Variants in MAGEC3 observed in about 807,000 individuals in gnomAD.
The protein encoded by MAGEC3 is melanoma-associated antigen C3.
MAGEC3 carries 34 observed loss-of-function variants against 35.3 expected under a neutral mutation model. The observed-to-expected ratio is 0.96, with a 90% confidence interval of 0.73 to 1.28. The LOEUF (loss-of-function observed/expected upper bound fraction) is 1.28, where lower values mean the gene tolerates loss of function less well. MAGEC3 is among the 50% of genes most tolerant of loss of function. MAGEC3 has a pLI of 0.00. For missense variants in MAGEC3, 561 were observed against 483.6 expected (o/e 1.16, Z -1.50); for synonymous variants, 202 against 185.6 (o/e 1.09, Z -0.72).
chrX:141,896,781 C>G, intron 6 of MAGEC3, 101 bp from the exon 7 acceptor site: 1 of 1,209,337 alleles, frequency 8.3e-7, no homozygotes, highest in Non-Finnish European at 1.1e-6. Flanking sequence ...CCTCCACTTC[C>G]TCTTCCTCTT....
intron 2 of MAGEC3, among the ~76,000 whole-genome samples, chrX:141,869,907 A>G (rs1261700018): frequency 9.0e-6 from 1 of 111,500 alleles, no homozygotes; most frequent in Non-Finnish European, 1.9e-5. Context: ...AATATAACCT[A>G]TTAGACATCA....
At chrX:141,888,168 A>G (rs2018015903) in intron 4 of MAGEC3, among the ~76,000 whole-genome samples, 1 of 112,102 alleles carries the variant, frequency 8.9e-6, no homozygotes, top group African/African-American at 3.3e-5. Flanking sequence ...CCCAGCCTGC[A>G]CTGATGGCCC....
intron 1 of MAGEC3, among the ~76,000 whole-genome samples, chrX:141,846,849 G>T (rs181288368): frequency 7.1e-4 from 79 of 110,532 alleles, no homozygotes; most frequent in African/African-American, 2.5e-3. Context: ...TAGTTCTTCT[G>T]GAATAGGTCA....
At chrX:141,850,141 A>C (rs1048218665) in intron 1 of MAGEC3, among the ~76,000 whole-genome samples, 2 of 111,270 alleles carry the variant, frequency 1.8e-5, no homozygotes, top group Admixed American at 9.6e-5. Context: ...TAAATACCAC[A>C]TGTTCTCACT....
chrX:141,893,688 A>G (rs1357074017), intron 4 of MAGEC3, among the ~76,000 whole-genome samples: 10 of 88,414 alleles, frequency 1.1e-4, no homozygotes, highest in Non-Finnish European at 2.0e-4. Context: ...GTGTGCGTGC[A>G]TAGGGCAGGG....
chrX:141,884,664 G>C (rs4298618), intron 4 of MAGEC3, among the ~76,000 whole-genome samples: 291 of 111,274 alleles, frequency 2.6e-3, no homozygotes, highest in African/African-American at 8.8e-3. Context: ...TTCTAATGGC[G>C]TGGAGAACAC....
chrX:141,841,594 G>C (rs958982748), intron 1 of MAGEC3, among the ~76,000 whole-genome samples: 10 of 111,403 alleles, frequency 9.0e-5, no homozygotes, highest in African/African-American at 3.3e-4. Flanking sequence ...AAATATTATT[G>C]AGGGAAGGGA....
Position 141,872,225 on chromosome X carries a change from G to A in MAGEC3, c.258+6620G>A, listed in dbSNP as rs1024731958. Among the ~76,000 whole-genome samples the A allele has an allele frequency of 9.0e-5, 10 of 111,272 alleles. No individual in the cohort carries two copies. The South Asian group carries it at 1.5e-3, about 17-fold the overall frequency. On this transcript the variant is annotated intron_variant, in intron 2 of 7. Coordinates refer to ENST00000298296, the MANE Select transcript of MAGEC3 (RefSeq NM_138702.1). ...TTTCATTTTTGGGCCATTGGCTGTC[G>A]TTATCTAATCTGTATTGGGGCCAAG...
chrX:141,875,198 T>A (rs1013185358), intron 2 of MAGEC3, among the ~76,000 whole-genome samples: 5 of 111,101 alleles, frequency 4.5e-5, no homozygotes, highest in African/African-American at 1.3e-4. Context: ...GTGGAGGGAC[T>A]TCACATGGGT....
intron 4 of MAGEC3, among the ~76,000 whole-genome samples, chrX:141,890,008 T>G (rs948785062): frequency 2.5e-4 from 28 of 112,185 alleles, no homozygotes; most frequent in African/African-American, 8.4e-4. Flanking sequence ...CTTTATCATG[T>G]GACATAAGAT....
intron 2 of MAGEC3, among the ~76,000 whole-genome samples, chrX:141,871,304 C>T (rs1049960887): frequency 2.3e-4 from 26 of 111,342 alleles, no homozygotes; most frequent in African/African-American, 7.5e-4. Context: ...AGACAGATTT[C>T]GAGAGGTACT....
chrX:141,874,443 C>CA (rs2017907727), intron 2 of MAGEC3, among the ~76,000 whole-genome samples: 1 of 110,249 alleles, frequency 9.1e-6, no homozygotes, highest in African/African-American at 3.3e-5. Flanking sequence ...AAAAGTTTTG[C>CA]AAAAAAAATC....
chrX:141,845,456 C>T (rs1436143700), intron 1 of MAGEC3, among the ~76,000 whole-genome samples: 3 of 110,766 alleles, frequency 2.7e-5, no homozygotes, highest in Non-Finnish European at 5.7e-5. Context: ...GAATAAAAGT[C>T]GTAAATATCA....
At chrX:141,894,502 T>TA in intron 4 of MAGEC3, 1 of 376,165 alleles carries the variant, frequency 2.7e-6, no homozygotes, top group Non-Finnish European at 4.0e-6. Context: ...CGGTAGTACT[T>TA]AAAGTAGAAG....
chrX:141,843,886 T>C (rs1247155801), intron 1 of MAGEC3, among the ~76,000 whole-genome samples: 2 of 110,786 alleles, frequency 1.8e-5, no homozygotes, highest in African/African-American at 6.6e-5. Context: ...ACCATTAAAT[T>C]AAAAAGCTTT....
At position 141,844,762 on chromosome X, in the gene MAGEC3, T is replaced by C. The variant is rs184095117; in HGVS notation, c.123+6324T>C. On this transcript the variant is annotated intron_variant, in intron 1 of 7. Transcript: ENST00000298296. The stretch of plus-strand genomic sequence containing the variant: ...TCCAATTTAAAATATCTGTATAGTA[T>C]TTGCATTAACGAGAAATTTTTATTT... Among the ~76,000 whole-genome samples the C allele has an allele frequency of 2.0e-3, 228 of 111,266 alleles. 2 individuals are homozygous for C. In the Admixed American group the frequency reaches 0.021, roughly 10 times the overall value.
intron 4 of MAGEC3, among the ~76,000 whole-genome samples, chrX:141,891,690 T>G (rs756915672): frequency 2.5e-4 from 26 of 103,773 alleles, no homozygotes; most frequent in African/African-American, 8.7e-4. Context: ...TATATAAATA[T>G]ATATATTTAT....
chrX:141,885,377 G>T (rs766699721), intron 4 of MAGEC3, among the ~76,000 whole-genome samples: 2 of 110,039 alleles, frequency 1.8e-5, no homozygotes, highest in Admixed American at 9.7e-5. Flanking sequence ...AGTTAAAAAA[G>T]GTTCTAAGGC....
chrX:141,862,145 A>G (rs143815547), intron 1 of MAGEC3, among the ~76,000 whole-genome samples: 1,941 of 111,694 alleles, frequency 0.017, 40 homozygotes, highest in African/African-American at 0.06. Flanking sequence ...ACATTTATCC[A>G]AAAAAGACAT....
Sources: allele counts gnomAD v4.1 joint callset (sites outside exome capture counted in the v4.1 genomes callset), GRCh38; gene constraint gnomAD v4.1.1; transcripts MANE v1.5; gene names NCBI Gene and HGNC (gene_info 2026-07-23, HGNC 2026-07-21).